The following LINC00632 variants were observed in gnomAD, a reference collection of about 807,000 sequenced individuals.
The protein encoded by LINC00632 is long independently transcribed non-coding RNA 632.
At chrX:140,754,835 T>A (rs1200449620) in intron 3 of LINC00632, among the ~76,000 whole-genome samples, 1 of 87,397 alleles carries the variant, frequency 1.1e-5, no homozygotes, top group Non-Finnish European at 2.5e-5. Context: ...TCTGATAGCA[T>A]AGGCTGTTTT....
rs757919258 is a variant in LINC00632 at position 140,715,733 on chromosome X, A to G, written n.104+4077A>G. ...GTCACTCTTAGGTTTACCCCAAAGCACATAGACCGTTTTCACTGCTCAAGC... is the reference window on the plus strand; with the variant it reads ...GTCACTCTTAGGTTTACCCCAAAGCGCATAGACCGTTTTCACTGCTCAAGC... On this transcript the variant is annotated intron_variant and non_coding_transcript_variant, in intron 2 of 4. Transcript: ENST00000648200. Among the ~76,000 whole-genome samples, 4 of 112,546 alleles carry G rather than the reference A, an allele frequency of 3.6e-5. No individual in the cohort carries two copies. The East Asian group carries it at 1.1e-3, about 32-fold the overall frequency.
At chrX:140,761,602 A>G (rs1290498398) in intron 3 of LINC00632, among the ~76,000 whole-genome samples, 2 of 113,055 alleles carry the variant, frequency 1.8e-5, no homozygotes, top group Non-Finnish European at 3.7e-5. Context: ...AAAAGGATTT[A>G]GGGTAGCTAG....
chrX:140,738,275 C>T (rs62618198), intron 3 of LINC00632, among the ~76,000 whole-genome samples: 1,159 of 112,033 alleles, frequency 0.01, no homozygotes, highest in Middle Eastern at 0.018. Flanking sequence ...AAAGTGGATT[C>T]ATTGATACTG....
At chrX:140,714,985 C>T (rs1021081486) in intron 2 of LINC00632, among the ~76,000 whole-genome samples, 4 of 111,105 alleles carry the variant, frequency 3.6e-5, no homozygotes, top group African/African-American at 6.5e-5. Flanking sequence ...CAAAATACAA[C>T]TCAAACTCCT....
At chrX:140,770,860 G>A (rs779349551) in intron 3 of LINC00632, among the ~76,000 whole-genome samples, 19 of 111,945 alleles carry the variant, frequency 1.7e-4, no homozygotes, top group Admixed American at 1.2e-3. Context: ...ATTGGTAGAC[G>A]AACAAAACTT....
chrX:140,711,247 A>T (rs1366630009), intron 1 of LINC00632, among the ~76,000 whole-genome samples: 2 of 111,598 alleles, frequency 1.8e-5, no homozygotes, highest in African/African-American at 6.5e-5. Context: ...TGTAAAGATG[A>T]TTATAAAAAT....
At chrX:140,743,478 A>G (rs774044590) in intron 3 of LINC00632, among the ~76,000 whole-genome samples, 2 of 110,143 alleles carry the variant, frequency 1.8e-5, no homozygotes, top group Admixed American at 2.0e-4. Flanking sequence ...CAGTAGTGAG[A>G]CAATCCCTTT....
At chrX:140,728,132 C>T (rs1930994017) in intron 2 of LINC00632, among the ~76,000 whole-genome samples, 1 of 109,038 alleles carries the variant, frequency 9.2e-6, no homozygotes, top group African/African-American at 3.4e-5. Context: ...CCCAGCTACT[C>T]GGGAGGCTGA....
chrX:140,783,854 A>G, exon 5 of LINC00632: 5 of 1,211,158 alleles, frequency 4.1e-6, no homozygotes, highest in Non-Finnish European at 5.6e-6. Context: ...GTCTTCCAGA[A>G]AATCCACGTC....
At chrX:140,761,009 T>C (rs1432092276) in intron 3 of LINC00632, among the ~76,000 whole-genome samples, 1 of 112,445 alleles carries the variant, frequency 8.9e-6, no homozygotes, top group African/African-American at 3.2e-5. Flanking sequence ...AAATGTTTAA[T>C]ATGAAAGTGT....
intron 2 of LINC00632, among the ~76,000 whole-genome samples, chrX:140,724,954 TAC>T (rs770568241): frequency 1.1e-4 from 6 of 54,888 alleles, no homozygotes; most frequent in South Asian, 1.8e-3. Context: ...ACTCATTCCA[TAC>T]ACACACAGAG....
exon 5 of LINC00632, chrX:140,783,752 G>C (rs771132844): frequency 1.4e-5 from 17 of 1,210,548 alleles, no homozygotes; most frequent in Non-Finnish European, 1.9e-5. Context: ...AAAAAATCCA[G>C]GTCTTCCAGC....
chrX:140,715,911 C>A (rs1467924954), intron 2 of LINC00632: 3 of 111,788 alleles, frequency 2.7e-5, no homozygotes, highest in Non-Finnish European at 3.8e-5. Context: ...CCCTTCAGGG[C>A]ACAGACTTAC....
At chrX:140,777,819 C>T (rs1260013962) in exon 5 of LINC00632, among the ~76,000 whole-genome samples, 1 of 112,253 alleles carries the variant, frequency 8.9e-6, no homozygotes, top group East Asian at 2.8e-4. Flanking sequence ...CTATCTCTGA[C>T]ATTACCTTGA....
rs754056606 is a variant in LINC00632 at position 140,729,828 on chromosome X, C to T, written n.105-4050C>T. ...AAAATATATAGAAATATACGACAAT[C>T]CACAGCTTTCCCATGTGCCATTTAT... On this transcript the variant is annotated intron_variant and non_coding_transcript_variant, in intron 2 of 4. Coordinates refer to ENST00000648200, the Ensembl canonical transcript of LINC00632. Among the ~76,000 whole-genome samples, 4 of 109,728 alleles carry T rather than the reference C, an allele frequency of 3.6e-5. No homozygotes were observed. In the East Asian group the frequency reaches 1.1e-3, roughly 31 times the overall value.
At chrX:140,771,366 G>A (rs1423108064) in intron 3 of LINC00632, among the ~76,000 whole-genome samples, 1 of 107,295 alleles carries the variant, frequency 9.3e-6, no homozygotes, top group East Asian at 2.9e-4. Flanking sequence ...AATGTTAACA[G>A]TACCTATAAA....
chrX:140,777,305 AT>A (rs1931885992), exon 5 of LINC00632, among the ~76,000 whole-genome samples: 1 of 112,223 alleles, frequency 8.9e-6, no homozygotes, highest in Non-Finnish European at 1.9e-5. Flanking sequence ...CTTAATAATA[AT>A]TTTAAAAAGG....
At chrX:140,713,915 G>A (rs1230548208) in intron 2 of LINC00632, 2 of 271,586 alleles carry the variant, frequency 7.4e-6, no homozygotes, top group East Asian at 1.0e-4. Context: ...ACCCATTTTA[G>A]GAAACACACA....
chrX:140,743,118 G>C (rs1028442173), intron 3 of LINC00632, among the ~76,000 whole-genome samples: 1 of 104,368 alleles, frequency 9.6e-6, no homozygotes, highest in African/African-American at 3.5e-5. Context: ...CCAGCTATTC[G>C]GGAGGCTGAG....
Sources: gnomAD v4.1 joint callset for allele counts (sites outside exome capture counted in the v4.1 genomes callset) on GRCh38, gnomAD v4.1.1 for gene constraint, MANE v1.5 for transcripts, NCBI Gene and HGNC (gene_info 2026-07-23, HGNC 2026-07-21) for gene names.